KCNB2: variants seen among roughly 807,000 people sequenced by gnomAD.
KCNB2 encodes the protein delayed rectifier potassium channel protein.
Under a neutral mutation model 61.5 loss-of-function variants are expected in KCNB2, and 15 were observed. That is an observed-to-expected ratio of 0.24 (90% CI 0.16 to 0.38). The LOEUF is 0.38. Among genes scored for constraint, KCNB2 ranks in the 10% least tolerant of loss-of-function variants. The pLI is 1.00. For synonymous variants in KCNB2, 457 were observed against 446.0 expected, an observed-to-expected ratio of 1.02 and a Z score of -0.31; for missense variants, 828 against 1,125.2, an observed-to-expected ratio of 0.74 and a Z score of 3.78.
At chr8:72,616,376 GA>G (rs1268192699) in intron 2 of KCNB2, among the ~76,000 whole-genome samples, 1 of 152,216 alleles carries the variant, frequency 6.6e-6, no homozygotes, top group East Asian at 1.9e-4. Context: ...ATAACCTCAT[GA>G]GTGTTAAGAG....
At chr8:72,797,577 G>A (rs924299091) in intron 2 of KCNB2, among the ~76,000 whole-genome samples, 21 of 152,182 alleles carry the variant, frequency 1.4e-4, no homozygotes, top group Admixed American at 1.2e-3. Flanking sequence ...GCTACAAATA[G>A]GAGTAGCTTA....
At chr8:72,693,597 G>A (rs916113444) in intron 2 of KCNB2, among the ~76,000 whole-genome samples, 2 of 152,138 alleles carry the variant, frequency 1.3e-5, no homozygotes, top group African/African-American at 2.4e-5. Context: ...TGGGTCCCAG[G>A]CTCAGAAATA....
intron 2 of KCNB2, among the ~76,000 whole-genome samples, chr8:72,574,502 A>C (rs1563527470): frequency 6.6e-6 from 1 of 152,202 alleles, no homozygotes; most frequent in Non-Finnish European, 1.5e-5. Context: ...AATATTTTTG[A>C]AAAAGTAAAT....
intron 2 of KCNB2, among the ~76,000 whole-genome samples, chr8:72,710,238 A>T (rs1274936351): frequency 3.3e-5 from 5 of 152,200 alleles, no homozygotes; most frequent in Non-Finnish European, 1.5e-5. Flanking sequence ...ACAAAGGAAC[A>T]TTGGTGTTTT....
chr8:72,572,148 G>A (rs1454263838), intron 2 of KCNB2, among the ~76,000 whole-genome samples: 5 of 152,144 alleles, frequency 3.3e-5, no homozygotes, highest in Non-Finnish European at 1.5e-5. Context: ...CCACACTTTG[G>A]ATGTCTTAAG....
chr8:72,563,785 G>C (rs1290684747), intron 1 of KCNB2, among the ~76,000 whole-genome samples: 1 of 152,190 alleles, frequency 6.6e-6, no homozygotes, highest in African/African-American at 2.4e-5. Context: ...CTGAAGGCTT[G>C]ATTAACTTTT....
intron 2 of KCNB2, among the ~76,000 whole-genome samples, chr8:72,924,361 ATT>A (rs61487070): frequency 0.55 from 84,125 of 151,756 alleles, 23,792 homozygotes; most frequent in Middle Eastern, 0.69. Flanking sequence ...TCCAATTCTG[ATT>A]TTTTTTTTAA....
At chr8:72,851,840 A>AAAAAAAAAAAACAAAAC (rs1554538995) in intron 2 of KCNB2, among the ~76,000 whole-genome samples, 9 of 134,532 alleles carry the variant, frequency 6.7e-5, no homozygotes, top group African/African-American at 2.4e-4. Context: ...AAAAAAAAAA[A>AAAAAAAAAAAACAAAAC]AAAAAAAACA....
chr8:72,587,659 G>C (rs1807021093), intron 2 of KCNB2, among the ~76,000 whole-genome samples: 1 of 152,030 alleles, frequency 6.6e-6, no homozygotes, highest in South Asian at 2.1e-4. Flanking sequence ...AGCTGGGGAG[G>C]TTGAGGCTAT....
chr8:72,582,804 A>G (rs1322605279), intron 2 of KCNB2, among the ~76,000 whole-genome samples: 2 of 152,018 alleles, frequency 1.3e-5, no homozygotes, highest in Non-Finnish European at 2.9e-5. Context: ...TTTTTTTTGT[A>G]GAGACGAGGT....
At chr8:72,930,804 A>C (rs1299586191) in intron 2 of KCNB2, among the ~76,000 whole-genome samples, 4 of 152,198 alleles carry the variant, frequency 2.6e-5, no homozygotes, top group Non-Finnish European at 5.9e-5. Context: ...TAGTTTAATT[A>C]GATCCCATTT....
chr8:72,912,011 CTGATTAATTTAAGTG>C (rs982606379), intron 2 of KCNB2, among the ~76,000 whole-genome samples: 37 of 152,174 alleles, frequency 2.4e-4, no homozygotes, highest in Admixed American at 1.4e-3. Context: ...CTGGCATGAG[CTGATTAATTTAAGTG>C]TTTAGTTGTC....
chr8:72,573,265 C>T (rs1255672482), intron 2 of KCNB2, among the ~76,000 whole-genome samples: 2 of 152,162 alleles, frequency 1.3e-5, no homozygotes, highest in African/African-American at 2.4e-5. Flanking sequence ...TATTCTAATG[C>T]TTTGAATGAA....
At chr8:72,804,201 A>G (rs1298489778) in intron 2 of KCNB2, among the ~76,000 whole-genome samples, 1 of 152,162 alleles carries the variant, frequency 6.6e-6, no homozygotes, top group Non-Finnish European at 1.5e-5. Context: ...GAGATTGTAG[A>G]GAAGCAAAAA....
intron 2 of KCNB2, among the ~76,000 whole-genome samples, chr8:72,783,051 T>C (rs1023175852): frequency 1.3e-5 from 2 of 152,192 alleles, no homozygotes; most frequent in Admixed American, 6.6e-5. Flanking sequence ...CAATCTACTC[T>C]ACATTATAGA....
chr8:72,689,948 C>A (rs1806914548), intron 2 of KCNB2, among the ~76,000 whole-genome samples: 1 of 151,266 alleles, frequency 6.6e-6, no homozygotes, highest in Non-Finnish European at 1.5e-5. Context: ...GGCCTAATTT[C>A]TTTTATTTGT....
At chr8:72,637,491 C>T (rs536981114) in intron 2 of KCNB2, among the ~76,000 whole-genome samples, 2 of 152,170 alleles carry the variant, frequency 1.3e-5, no homozygotes, top group Admixed American at 6.5e-5. Context: ...ACTAATGAAT[C>T]AGGAAGCCTG....
chr8:72,553,173 A>G (rs548137952), intron 1 of KCNB2, among the ~76,000 whole-genome samples: 1 of 152,306 alleles, frequency 6.6e-6, no homozygotes, highest in East Asian at 1.9e-4. Flanking sequence ...TACATTTTGG[A>G]TATTGATCAG....
chr8:72,540,372 G>A (rs1806171805), intron 1 of KCNB2, among the ~76,000 whole-genome samples: 1 of 152,084 alleles, frequency 6.6e-6, no homozygotes, highest in Non-Finnish European at 1.5e-5. Context: ...AATTGTTTAA[G>A]ATTTGTTTAT....
Sources: allele counts gnomAD v4.1 joint callset (sites outside exome capture counted in the v4.1 genomes callset), GRCh38; gene constraint gnomAD v4.1.1; transcripts MANE v1.5; gene names NCBI Gene and HGNC (gene_info 2026-07-23, HGNC 2026-07-21).